The following ZDHHC18 variants were observed in gnomAD, a reference collection of about 807,000 sequenced individuals.
The protein encoded by ZDHHC18 is zDHHC palmitoyltransferase 18.
A neutral mutation model predicts 37.5 loss-of-function variants in ZDHHC18; 23 were observed. The observed-to-expected ratio is 0.61, with a 90% CI of 0.44 to 0.87. The LOEUF is 0.87. ZDHHC18 is among the 40% of genes least tolerant of loss of function. ZDHHC18 has a pLI of 0.00. For missense variants in ZDHHC18, 406 were observed against 525.6 expected (o/e 0.77, Z 2.22); for synonymous variants, 185 against 218.7 (o/e 0.85, Z 1.36).
At chr1:26,842,648 T>C (rs2081644829) in intron 2 of ZDHHC18, among the ~76,000 whole-genome samples, 1 of 152,252 alleles carries the variant, frequency 6.6e-6, no homozygotes. Context: ...CCCACCCTTC[T>C]TCATGCTGCC....
intron 2 of ZDHHC18, among the ~76,000 whole-genome samples, chr1:26,846,683 T>C (rs1278046705): frequency 3.9e-5 from 6 of 152,078 alleles, no homozygotes; most frequent in South Asian, 2.1e-4. Flanking sequence ...ATAGTACAAC[T>C]AATTCCTGTA....
At chr1:26,847,976 C>T (rs1400033292) in intron 2 of ZDHHC18, among the ~76,000 whole-genome samples, 1 of 152,158 alleles carries the variant, frequency 6.6e-6, no homozygotes, top group Non-Finnish European at 1.5e-5. Flanking sequence ...TCTCCTGAAC[C>T]TCCTGTAAAC....
At chr1:26,835,887 A>G (rs1327865305) in intron 2 of ZDHHC18, among the ~76,000 whole-genome samples, 1 of 152,072 alleles carries the variant, frequency 6.6e-6, no homozygotes. Flanking sequence ...CCAGCCCAGC[A>G]ACTCCAGCCC....
chr1:26,841,913 A>C (rs1357300932), intron 2 of ZDHHC18, among the ~76,000 whole-genome samples: 1 of 151,214 alleles, frequency 6.6e-6, no homozygotes, highest in Non-Finnish European at 1.5e-5. Context: ...AGGTGGGTGG[A>C]TCATGAGGTC....
chr1:26,833,703 G>C (rs921864247), intron 2 of ZDHHC18, among the ~76,000 whole-genome samples: 12 of 152,000 alleles, frequency 7.9e-5, no homozygotes, highest in African/African-American at 2.9e-4. Context: ...GAAGTGACGT[G>C]GCTACTTGCA....
At chr1:26,844,602 TGTTCAGCTTG>T (rs2081654382) in intron 2 of ZDHHC18, among the ~76,000 whole-genome samples, 1 of 152,202 alleles carries the variant, frequency 6.6e-6, no homozygotes, top group African/African-American at 2.4e-5. Context: ...GGCGTGCATA[TGTTCAGCTTG>T]GGTAGCTGTT....
chr1:26,841,297 A>T (rs1570670569), intron 2 of ZDHHC18, among the ~76,000 whole-genome samples: 1 of 152,106 alleles, frequency 6.6e-6, no homozygotes, highest in East Asian at 1.9e-4. Flanking sequence ...GCTAATTTTT[A>T]AAAATTATTA....
intron 2 of ZDHHC18, among the ~76,000 whole-genome samples, chr1:26,839,519 A>G (rs2081628131): frequency 6.6e-6 from 1 of 152,208 alleles, no homozygotes; most frequent in Non-Finnish European, 1.5e-5. Flanking sequence ...GTAGGTGCTC[A>G]TGTGTGAAAG....
chr1:26,847,857 T>G (rs1312630003), intron 2 of ZDHHC18, among the ~76,000 whole-genome samples: 2 of 152,144 alleles, frequency 1.3e-5, no homozygotes, highest in Non-Finnish European at 2.9e-5. Flanking sequence ...TCCTCTCTCT[T>G]TTTATAAATG....
In ZDHHC18 at chr1:26,826,702, C is replaced by G; in HGVS notation, c.-103C>G. On this transcript the variant is annotated 5_prime_UTR_variant, in exon 1 of 8. Transcript: ENST00000374142. This position sits in a 1 kb window ranked among gnomAD's most constrained non-coding sequence, Gnocchi z 5.2. ...GGGGCCGCCCCAGTGAGTGAGCGAG[C>G]GAGCGCCGCGCGCGCCGCCGCTGCC... is the stretch of plus-strand genomic sequence containing the variant. 1.5e-5 allele frequency: 7 copies of G among 456,850 alleles called. No homozygotes were observed. Among genetic ancestry groups the G allele is most frequent in the Non-Finnish European group, 2.0e-5 (7 of 348,896 alleles). The allele number at this position is 456,850 out of a possible 1,614,324, so 28.3% of individuals were successfully genotyped here.
intron 1 of ZDHHC18, among the ~76,000 whole-genome samples, chr1:26,830,877 G>C (rs1164904626): frequency 1.3e-5 from 2 of 152,122 alleles, no homozygotes; most frequent in African/African-American, 4.8e-5. Context: ...CTGCCTCCCG[G>C]GTTCAAGTGA....
Position 26,848,598 on chromosome 1 carries a change from C to T in ZDHHC18, c.497-10C>T. ...GGGCATTCCCCATCTTTCTCTCCTCCTTCCCTCAGACAACACAGGCAGTTC... is the reference window on the plus strand; with the variant it reads ...GGGCATTCCCCATCTTTCTCTCCTCTTTCCCTCAGACAACACAGGCAGTTC... On this transcript the variant is annotated splice_polypyrimidine_tract_variant and intron_variant, in intron 2 of 7. Coordinates refer to ENST00000374142, the MANE Select transcript of ZDHHC18 (RefSeq NM_032283.3). 1.2e-6 allele frequency: 2 copies of T among 1,606,736 alleles called. No homozygotes were observed. Among genetic ancestry groups the T allele is most frequent in the South Asian group, 2.2e-5 (2 of 90,980 alleles).
chr1:26,826,762 G>A lies in ZDHHC18; in HGVS notation c.-43G>A. 1.1e-6 allele frequency: 1 copy of A among 949,458 alleles called. No individual in the cohort carries two copies. Among genetic ancestry groups the A allele is most frequent in the Non-Finnish European group, 1.3e-6 (1 of 799,484 alleles). The allele number at this position is 949,458 out of a possible 1,614,324, so 58.8% of individuals were successfully genotyped here. On this transcript the variant is annotated 5_prime_UTR_variant, in exon 1 of 8. Transcript: ENST00000374142. The surrounding 1 kb of genome is among the most constrained non-coding windows in gnomAD (Gnocchi z 5.2). ...GCTCGGCCCGGTCCCGGAGTGGCCCGGCCGGCCCGCGGGGCGCGGAGCCGA... is the reference window on the plus strand; with the variant it reads ...GCTCGGCCCGGTCCCGGAGTGGCCCAGCCGGCCCGCGGGGCGCGGAGCCGA...
intron 6 of ZDHHC18, among the ~76,000 whole-genome samples, chr1:26,852,246 C>T (rs1230508833): frequency 1.3e-5 from 2 of 152,242 alleles, no homozygotes; most frequent in Non-Finnish European, 2.9e-5. Context: ...TTCTTTATTG[C>T]TAAACTCTCC....
intron 2 of ZDHHC18, among the ~76,000 whole-genome samples, chr1:26,847,111 G>A (rs773455205): frequency 6.6e-6 from 1 of 151,610 alleles, no homozygotes; most frequent in East Asian, 1.9e-4. Context: ...TGGTCAGGAT[G>A]GTCTCGATCT....
Position 26,833,787 on chromosome 1 carries a change from C to G in ZDHHC18, c.496+1180C>G, listed in dbSNP as rs75099667. On this transcript the variant is annotated intron_variant, in intron 2 of 7. Transcript: ENST00000374142. Reference sequence around the variant, plus strand: ...GGTGTTCACACAGGCTTTTAAACACCCAGCTGGCCCTGAAGACATCTAGTG... The same window carrying G: ...GGTGTTCACACAGGCTTTTAAACACGCAGCTGGCCCTGAAGACATCTAGTG... Among the ~76,000 whole-genome samples, 940 of 152,224 alleles carry G rather than the reference C, an allele frequency of 6.2e-3. 6 individuals carry two copies. The highest frequency in any genetic ancestry group is 0.021 in the African/African-American group (884 of 41,520).
At chr1:26,851,064 G>A in intron 5 of ZDHHC18, 65 bp from the exon 6 acceptor site, 2 of 1,460,414 alleles carry the variant, frequency 1.4e-6, no homozygotes, top group Non-Finnish European at 1.9e-6. Context: ...GGATAGGTGA[G>A]ACAGGCCAGG....
At chr1:26,832,109 G>T (rs1557640079) in intron 1 of ZDHHC18, 2 of 240,518 alleles carry the variant, frequency 8.3e-6, no homozygotes, top group Non-Finnish European at 1.6e-5. Context: ...ACTGCAGGAT[G>T]GTTTGTCTCA....
Position 26,853,851 on chromosome 1 carries a change from T to C in ZDHHC18, c.*8T>C, listed in dbSNP as rs763199579. The stretch of plus-strand genomic sequence containing the variant: ...GTAGGAGGCCACCCCTGACCACGGC[T>C]CAGTACTTGCCACCTGCTGGCCTGT... On this transcript the variant is annotated 3_prime_UTR_variant, in exon 8 of 8. Coordinates refer to ENST00000374142, the MANE Select transcript of ZDHHC18 (RefSeq NM_032283.3). 1 of 1,612,474 alleles carries C rather than the reference T, an allele frequency of 6.2e-7. No individual in the cohort carries two copies. Among genetic ancestry groups the C allele is most frequent in the African/African-American group, 1.3e-5 (1 of 75,032 alleles).
Sources: allele counts gnomAD v4.1 joint callset (sites outside exome capture counted in the v4.1 genomes callset), GRCh38; gene constraint gnomAD v4.1.1; non-coding constraint Gnocchi (gnomAD v3.1); transcripts MANE v1.5; gene names NCBI Gene and HGNC (gene_info 2026-07-23, HGNC 2026-07-21).